The following GABRB2 variants were observed in gnomAD, a reference collection of about 807,000 sequenced individuals.
GABRB2 encodes the protein gamma-aminobutyric acid receptor subunit beta-2.
A neutral mutation model predicts 54.7 loss-of-function variants in GABRB2; 16 were observed. The observed-to-expected ratio is 0.29, with a 90% CI of 0.20 to 0.44. GABRB2 has a LOEUF of 0.44. Among genes scored for constraint, GABRB2 ranks in the 20% least tolerant of loss-of-function variants. The pLI is 1.00. For synonymous variants in GABRB2, 244 were observed against 233.8 expected, an observed-to-expected ratio of 1.04 and a Z score of -0.40; for missense variants, 355 against 644.0, an observed-to-expected ratio of 0.55 and a Z score of 4.86.
chr5:161,471,308 T>C (rs1399418333), intron 3 of GABRB2, among the ~76,000 whole-genome samples: 1 of 152,006 alleles, frequency 6.6e-6, no homozygotes, highest in Non-Finnish European at 1.5e-5. Flanking sequence ...GCCAACAAAT[T>C]GCAGATCCAA....
At chr5:161,535,200 T>C (rs574847103) in intron 3 of GABRB2, among the ~76,000 whole-genome samples, 1 of 152,298 alleles carries the variant, frequency 6.6e-6, no homozygotes, top group South Asian at 2.1e-4. Context: ...TCTTTCTTTA[T>C]TGCTTGGTTT....
intron 4 of GABRB2, among the ~76,000 whole-genome samples, chr5:161,449,571 T>C (rs1334446607): frequency 6.6e-6 from 1 of 152,166 alleles, no homozygotes; most frequent in Admixed American, 6.6e-5. Context: ...TAGAGAAAAC[T>C]TAATCATTAA....
At chr5:161,441,883 G>A (rs919662151) in intron 4 of GABRB2, among the ~76,000 whole-genome samples, 8 of 152,044 alleles carry the variant, frequency 5.3e-5, no homozygotes, top group African/African-American at 1.7e-4. Context: ...TCACTTATTT[G>A]GGGAATCCAA....
intron 9 of GABRB2, among the ~76,000 whole-genome samples, chr5:161,320,825 C>A (rs1758186736): frequency 6.6e-6 from 1 of 151,936 alleles, no homozygotes; most frequent in Non-Finnish European, 1.5e-5. Context: ...ATTTTGTCAT[C>A]TGAATTTATG....
At chr5:161,462,007 C>T (rs76748554) in intron 3 of GABRB2, among the ~76,000 whole-genome samples, 9,415 of 152,162 alleles carry the variant, frequency 0.062, 323 homozygotes, top group Middle Eastern at 0.095. Flanking sequence ...TAACACCGAA[C>T]AGTTTTCATG....
At chr5:161,377,300 G>C (rs982450432) in intron 5 of GABRB2, among the ~76,000 whole-genome samples, 1 of 152,012 alleles carries the variant, frequency 6.6e-6, no homozygotes, top group Non-Finnish European at 1.5e-5. Context: ...AAGGAACAGG[G>C]CCTCTGTATC....
Position 161,417,555 on chromosome 5 carries a change from A to C in GABRB2, c.459-6498T>G, listed in dbSNP as rs1051249808. Reference sequence around the variant, plus strand: ...ATTTAGCTTCTCTGGAGGATTGATCAATTTCTTATATACCAAATGAGCTTA... The same window carrying C: ...ATTTAGCTTCTCTGGAGGATTGATCCATTTCTTATATACCAAATGAGCTTA... On this transcript the variant is annotated intron_variant, in intron 4 of 9. Coordinates refer to ENST00000393959, the MANE Select transcript of GABRB2 (RefSeq NM_001371727.1). 7.2e-5 allele frequency among the ~76,000 whole-genome samples: 11 copies of C among 152,196 alleles called. 1 individual carries two copies. The highest frequency in any genetic ancestry group is 5.9e-4 in the Admixed American group (9 of 15,278).
chr5:161,401,811 C>T (rs1465834177), intron 5 of GABRB2, among the ~76,000 whole-genome samples: 1 of 152,084 alleles, frequency 6.6e-6, no homozygotes, highest in East Asian at 1.9e-4. Context: ...TTCAATTACA[C>T]ATTCTCTATG....
At chr5:161,330,708 T>G in intron 8 of GABRB2, 175 bp downstream of exon 8, 197 of 821,962 alleles carry the variant, frequency 2.4e-4, no homozygotes, top group Non-Finnish European at 3.5e-4. Context: ...TCTTGTGTCA[T>G]GAGTTTGGTC....
At chr5:161,511,433 T>A (rs2113405115) in intron 3 of GABRB2, among the ~76,000 whole-genome samples, 1 of 152,138 alleles carries the variant, frequency 6.6e-6, no homozygotes, top group East Asian at 1.9e-4. Context: ...ATTAAGCTAC[T>A]AGTTAAGACA....
intron 5 of GABRB2, among the ~76,000 whole-genome samples, chr5:161,354,360 A>G (rs1280064461): frequency 1.3e-5 from 2 of 152,034 alleles, no homozygotes; most frequent in Admixed American, 6.6e-5. Context: ...ATATTCTTAG[A>G]TATGGGGTAT....
intron 3 of GABRB2, among the ~76,000 whole-genome samples, chr5:161,519,045 G>C (rs568926926): frequency 1.3e-5 from 2 of 152,280 alleles, no homozygotes; most frequent in African/African-American, 4.8e-5. Flanking sequence ...CAGAGTTTAT[G>C]AAGTGGTAAT....
At chr5:161,442,009 G>T (rs77821293) in intron 4 of GABRB2, among the ~76,000 whole-genome samples, 1 of 152,010 alleles carries the variant, frequency 6.6e-6, no homozygotes, top group African/African-American at 2.4e-5. Flanking sequence ...CGGTTATTGC[G>T]TACAAAAATA....
chr5:161,307,244 AG>A (rs1419012988), intron 9 of GABRB2, among the ~76,000 whole-genome samples: 1 of 152,150 alleles, frequency 6.6e-6, no homozygotes, highest in Non-Finnish European at 1.5e-5. Context: ...ATAGCAATGT[AG>A]GCACTTCCTT....
At chr5:161,371,789 A>G (rs1000721952) in intron 5 of GABRB2, among the ~76,000 whole-genome samples, 2 of 151,790 alleles carry the variant, frequency 1.3e-5, no homozygotes, top group East Asian at 3.9e-4. Context: ...TGGGGCAATC[A>G]CAGCTCACTG....
chr5:161,450,381 T>C (rs1401470150), intron 4 of GABRB2, among the ~76,000 whole-genome samples: 1 of 152,194 alleles, frequency 6.6e-6, no homozygotes, highest in East Asian at 1.9e-4. Context: ...TTAAGTGTTT[T>C]TTATTTAAAA....
At position 161,292,710 on chromosome 5, in the gene GABRB2, CT is replaced by C. The variant is rs2113330831; in HGVS notation, c.*1370del. On this transcript the variant is annotated 3_prime_UTR_variant, in exon 10 of 10. Coordinates refer to ENST00000393959, the MANE Select transcript of GABRB2 (RefSeq NM_001371727.1). Reference sequence around the variant, plus strand: ...TTGCAACATATACAATGAAAGCACTCTTAAGAAAATCAAGCCCCAAACCAAT... The same window carrying C: ...TTGCAACATATACAATGAAAGCACTCTAAGAAAATCAAGCCCCAAACCAAT... 6.6e-6 allele frequency: 1 copy of C among 152,266 alleles called. No individual in the cohort carries two copies. Among genetic ancestry groups the C allele is most frequent in the South Asian group, 2.1e-4 (1 of 4,822 alleles). The allele number at this position is 152,266 out of a possible 1,614,324, so 9.4% of individuals were successfully genotyped here.
intron 3 of GABRB2, among the ~76,000 whole-genome samples, chr5:161,461,813 A>G (rs1758124584): frequency 6.6e-6 from 1 of 152,202 alleles, no homozygotes; most frequent in Non-Finnish European, 1.5e-5. Context: ...CAAATAACAA[A>G]TGAATGAAAT....
intron 4 of GABRB2, among the ~76,000 whole-genome samples, chr5:161,457,321 A>G (rs1329426562): frequency 6.6e-6 from 1 of 152,210 alleles, no homozygotes; most frequent in African/African-American, 2.4e-5. Context: ...AAGGTACAGC[A>G]ATAGTGTCCC....
Sources: allele counts gnomAD v4.1 joint callset (sites outside exome capture counted in the v4.1 genomes callset), GRCh38; gene constraint gnomAD v4.1.1; transcripts MANE v1.5; gene names NCBI Gene and HGNC (gene_info 2026-07-23, HGNC 2026-07-21).